Variants in NPM2 observed in about 807,000 individuals in gnomAD.
The protein encoded by NPM2 is nucleoplasmin-2.
A neutral mutation model predicts 32.0 loss-of-function variants in NPM2; 25 were observed. The observed-to-expected ratio is 0.78, with a 90% CI of 0.57 to 1.09. The LOEUF (loss-of-function observed/expected upper bound fraction) is 1.09. Ranked by LOEUF, NPM2 falls within the 50% of genes least tolerant of loss-of-function variation. The pLI, the probability that NPM2 is intolerant of heterozygous loss-of-function variation, is 0.00. For synonymous variants in NPM2, 111 were observed against 94.2 expected (o/e 1.18, Z -1.04); for missense variants, 282 against 259.9 (o/e 1.08, Z -0.58).
At chr8:22,032,744 G>C (rs185037195) in intron 5 of NPM2, among the ~76,000 whole-genome samples, 2 of 152,108 alleles carry the variant, frequency 1.3e-5, no homozygotes, top group East Asian at 3.9e-4. Flanking sequence ...GTCTCTTTTT[G>C]TAAAGGTACT....
At chr8:22,025,865 A>T in intron 5 of NPM2, 93 bp downstream of exon 5, 1 of 1,558,988 alleles carries the variant, frequency 6.4e-7, no homozygotes, top group Non-Finnish European at 8.8e-7. Flanking sequence ...TTCACCCTAC[A>T]GAAATGAGCC....
chr8:22,036,846 C>G lies in NPM2; in HGVS notation c.*164C>G, dbSNP rs1800642563. 2 of 675,916 alleles carry G rather than the reference C, an allele frequency of 3.0e-6. No individual in the cohort carries two copies. Among genetic ancestry groups the G allele is most frequent in the Non-Finnish European group, 4.8e-6 (2 of 419,252 alleles). 41.9% of individuals were successfully genotyped at this position (675,916 alleles called of 1,614,324 possible). On this transcript the variant is annotated 3_prime_UTR_variant, in exon 10 of 10. Coordinates refer to ENST00000518119, the MANE Select transcript of NPM2 (RefSeq NM_001286680.2). ...CCCCCAACTCTCCACTTTCAGGAGG[C>G]CCCCAGTGAAGAGCCCCACCTCGGG...
intron 5 of NPM2, among the ~76,000 whole-genome samples, chr8:22,032,184 A>G (rs1384393617): frequency 6.6e-6 from 1 of 152,268 alleles, no homozygotes; most frequent in Non-Finnish European, 1.5e-5. Flanking sequence ...GCTCAAAACA[A>G]TAAGCTATCA....
At chr8:22,025,059 C>T in intron 2 of NPM2, 157 bp from the exon 3 acceptor site, 3 of 593,782 alleles carry the variant, frequency 5.1e-6, no homozygotes, top group Non-Finnish European at 8.6e-6. Flanking sequence ...GGTGGGTACT[C>T]GTCCTCCAGG....
intron 5 of NPM2, among the ~76,000 whole-genome samples, chr8:22,030,818 C>T (rs796768472): frequency 4.0e-4 from 61 of 152,184 alleles, no homozygotes; most frequent in African/African-American, 1.4e-3. Context: ...GTAGCCTGGG[C>T]TACAGGCGTG....
chr8:22,032,988 T>C (rs1372223041), intron 5 of NPM2, 142 bp from the exon 6 acceptor site: 6 of 645,970 alleles, frequency 9.3e-6, no homozygotes, highest in East Asian at 8.2e-5. Context: ...GTTCAAATTC[T>C]TGGACAGAAT....
At chr8:22,036,363 G>T in intron 8 of NPM2, 130 bp from the exon 9 acceptor site, 1 of 800,002 alleles carries the variant, frequency 1.3e-6, no homozygotes, top group Non-Finnish European at 2.0e-6. Flanking sequence ...TAAAGAGTCC[G>T]AGTGGTCCCC....
At chr8:22,033,622 G>C (rs747436477) in intron 6 of NPM2, among the ~76,000 whole-genome samples, 6 of 152,140 alleles carry the variant, frequency 3.9e-5, no homozygotes, top group Non-Finnish European at 8.8e-5. Flanking sequence ...CTCCTTCAAG[G>C]TCCCTTCAAC....
At position 22,033,203 on chromosome 8, in the gene NPM2, T is replaced by C. The variant is rs1800499449; in HGVS notation, c.344T>C (p.Leu115Pro). 1 of 1,613,890 alleles carries C rather than the reference T, an allele frequency of 6.2e-7. No homozygotes were observed. The highest frequency in any genetic ancestry group is 8.5e-7 in the Non-Finnish European group (1 of 1,179,952). Residue 115 changes from leucine (L) to proline (P), a missense_variant, in exon 6 of 10, where the codon CTC becomes CCC. Leu to Pro is a moderately conservative substitution (Grantham distance 98). Coordinates refer to ENST00000518119, the MANE Select transcript of NPM2 (RefSeq NM_001286680.2). ...QLRAGSGPVF[L>P]SGQERYEASD... ...CGGGCTGGCTCAGGACCCGTGTTCC[T>C]CAGTGGCCAGGAACGTTATGGTAAG...
At chr8:22,032,961 A>G in intron 5 of NPM2, 169 bp from the exon 6 acceptor site, 1 of 601,042 alleles carries the variant, frequency 1.7e-6, no homozygotes, top group Non-Finnish European at 3.0e-6. Context: ...TGAGCTTAGC[A>G]AGAATGGGAT....
chr8:22,034,179 T>C lies in NPM2; in HGVS notation c.435T>C (p.Asp145=), dbSNP rs1315116045. The stretch of plus-strand genomic sequence containing the variant: ...AGGAGGAGGAAGAGGAAGAGGAAGA[T>C]GATGAGGATGAGGATGCAGATATAT... The part of the protein sequence containing the change: ...EGEEEEEEEE[D]DEDEDADISL... Residue 145 remains aspartate, a synonymous_variant, in exon 7 of 10, where the codon GAT becomes GAC. Coordinates refer to ENST00000518119, the MANE Select transcript of NPM2 (RefSeq NM_001286680.2). 7 of 1,611,940 alleles carry C rather than the reference T, an allele frequency of 4.3e-6. No individual in the cohort carries two copies. The Admixed American group carries it at 1.2e-4, about 27-fold the overall frequency.
At chr8:22,030,105 G>A (rs767192330) in intron 5 of NPM2, among the ~76,000 whole-genome samples, 7 of 152,032 alleles carry the variant, frequency 4.6e-5, no homozygotes, top group Non-Finnish European at 1.0e-4. Flanking sequence ...TCTGTCCCCC[G>A]TGTTAGCTCC....
At position 22,033,161 on chromosome 8, in the gene NPM2, C is replaced by G; in HGVS notation, c.302C>G (p.Pro101Arg). The G allele has an allele frequency of 1.2e-6, 2 of 1,614,026 alleles. No individual in the cohort carries two copies. The highest frequency in any genetic ancestry group is 1.7e-6 in the Non-Finnish European group (2 of 1,179,910). ...ATGGTAGGAGTGCAGCTTTCTCCCC[C>G]AGTTACTTTCCAGCTCCGGGCTGGC... is the stretch of plus-strand genomic sequence containing the variant. Reference protein sequence around the residue: ...VSMVGVQLSPPVTFQLRAGSG... With the variant: ...VSMVGVQLSPRVTFQLRAGSG... The change falls in exon 6 of 10, where the codon CCA becomes CGA. Residue 101 changes from proline to arginine, a missense_variant. Physicochemically the swap from Pro to Arg is moderately radical, Grantham distance 103. Coordinates refer to ENST00000518119, the MANE Select transcript of NPM2 (RefSeq NM_001286680.2).
chr8:22,028,099 G>C (rs1800315786), intron 5 of NPM2, among the ~76,000 whole-genome samples: 1 of 152,134 alleles, frequency 6.6e-6, no homozygotes, highest in Non-Finnish European at 1.5e-5. Context: ...GTCCCCTGTA[G>C]TCTATTCCAG....
At position 22,025,262 on chromosome 8, in the gene NPM2, G is replaced by C. The variant is rs1800199404; in HGVS notation, c.14G>C (p.Ser5Thr). ...CTGCCCGGAGCCATGAATCTCAGTA[G>C]CGCCAGTAGCACGGAGGAAAAGGCA... MNLS[S>T]ASSTEEKAVT... The change falls in exon 3 of 10, where the codon AGC (serine) becomes ACC (threonine). Residue 5 changes from serine to threonine, a missense_variant. Ser to Thr is a moderately conservative substitution (Grantham distance 58). Coordinates refer to ENST00000518119, the MANE Select transcript of NPM2 (RefSeq NM_001286680.2). The C allele has an allele frequency of 1.2e-6, 2 of 1,611,574 alleles. No individual in the cohort carries two copies. The highest frequency in any genetic ancestry group is 3.4e-5 in the Admixed American group (2 of 59,128).
At position 22,024,266 on chromosome 8, in the gene NPM2, G is replaced by A. The variant is rs1800153303; in HGVS notation, c.-498G>A. 1.3e-5 allele frequency: 2 copies of A among 152,422 alleles called. No homozygotes were observed. Among genetic ancestry groups the A allele is most frequent in the Admixed American group, 1.3e-4 (2 of 15,288 alleles). 9.4% of individuals were successfully genotyped at this position (152,422 alleles called of 1,614,324 possible). A position where few individuals can be genotyped will look rare whatever the true frequency, so the allele number is the denominator to read the frequency against. ...GCTCGCTCGCTCTCACGGTAGGCTG[G>A]AAGAACGGGCTGTCTGGGCCTTAGG... is the stretch of plus-strand genomic sequence containing the variant. On this transcript the variant is annotated 5_prime_UTR_variant, in exon 1 of 10. Coordinates refer to ENST00000518119, the MANE Select transcript of NPM2 (RefSeq NM_001286680.2).
At chr8:22,036,596 G>C (rs751593869) in intron 9 of NPM2, 42 bp from the exon 10 acceptor site, 1 of 1,556,996 alleles carries the variant, frequency 6.4e-7, no homozygotes, top group South Asian at 1.2e-5. Flanking sequence ...GCCTGGTATG[G>C]AGAAGGGAAC....
chr8:22,025,169 G>A (rs1416188371), intron 2 of NPM2, 47 bp from the exon 3 acceptor site: 3 of 1,487,224 alleles, frequency 2.0e-6, no homozygotes, highest in South Asian at 2.5e-5. Context: ...CTCCAGTCGA[G>A]GGTCAGGGTC....
At chr8:22,033,030 G>A (rs946852664) in intron 5 of NPM2, 100 bp from the exon 6 acceptor site, 2 of 853,666 alleles carry the variant, frequency 2.3e-6, no homozygotes, top group Middle Eastern at 2.5e-4. Context: ...AGTGTGTAGG[G>A]TTTGGGGAGG....
Sources: allele counts gnomAD v4.1 joint callset (sites outside exome capture counted in the v4.1 genomes callset), GRCh38; gene constraint gnomAD v4.1.1; transcripts MANE v1.5; gene names NCBI Gene and HGNC (gene_info 2026-07-23, HGNC 2026-07-21).